Variants in SYT7 observed in about 807,000 individuals in gnomAD.
SYT7 encodes the protein synaptotagmin 7.
SYT7 carries 29 observed loss-of-function variants against 75.1 expected under a neutral mutation model. That is an observed-to-expected ratio of 0.39 (90% CI 0.29 to 0.53). The LOEUF (loss-of-function observed/expected upper bound fraction) is 0.53, where lower values mean the gene tolerates loss of function less well. Among genes scored for constraint, SYT7 ranks in the 20% least tolerant of loss-of-function variants. The pLI, the probability that SYT7 is intolerant of heterozygous loss-of-function variation, is 0.77. For missense variants in SYT7, 693 were observed against 953.2 expected (o/e 0.73, Z 3.59); for synonymous variants, 376 against 401.7 (o/e 0.94, Z 0.76).
At chr11:61,574,921 T>A (rs2064028434) in intron 1 of SYT7, among the ~76,000 whole-genome samples, 1 of 151,978 alleles carries the variant, frequency 6.6e-6, no homozygotes, top group African/African-American at 2.4e-5. Context: ...CTGCATGCTC[T>A]CTCCTCCACT....
intron 6 of SYT7, chr11:61,541,010 C>G: frequency 2.0e-6 from 2 of 985,562 alleles, no homozygotes; most frequent in Non-Finnish European, 2.4e-6. Context: ...GCATGTCTTG[C>G]TGGCCATGGG....
rs1181443868 is a variant in SYT7 at position 61,547,279 on chromosome 11, T to C, written c.245A>G (p.Asn82Ser). The change falls in exon 4 of 13, where the codon AAT becomes AGT. Residue 82 changes from asparagine (N) to serine (S), a missense_variant. Transcript: ENST00000539008. ...NDLDRDFWNNNESTVQQKWSS... is the reference protein window; with the variant it reads ...NDLDRDFWNNSESTVQQKWSS... The stretch of plus-strand genomic sequence containing the variant: ...CCATTTCTGCTGCACTGTGCTCTCA[T>C]TGTTATTCCAAAAGTCTCTGTCTAG... 10 of 1,535,702 alleles carry C rather than the reference T, an allele frequency of 6.5e-6. No individual in the cohort carries two copies. Among genetic ancestry groups the C allele is most frequent in the Admixed American group, 2.0e-5 (1 of 50,968 alleles).
At chr11:61,541,801 G>A in intron 6 of SYT7, among the ~76,000 whole-genome samples, 1 of 152,110 alleles carries the variant, frequency 6.6e-6, no homozygotes, top group Non-Finnish European at 1.5e-5. Context: ...GAGGAGGCAG[G>A]GCTGGAGATG....
Position 61,551,615 on chromosome 11 carries a change from G to T in SYT7, c.136-152C>A. ...TGTGCGAGGCTGTCACCGCGGTGGG[G>T]GCCAATCCCCTGGATGCCTGCTCCC... On this transcript the variant is annotated intron_variant, in intron 2 of 12. Coordinates refer to ENST00000539008, the MANE Select transcript of SYT7 (RefSeq NM_001365809.2). This position sits in a 1 kb window ranked among gnomAD's most constrained non-coding sequence, Gnocchi z 5.3. 1 of 755,786 alleles carries T rather than the reference G, an allele frequency of 1.3e-6. No individual in the cohort carries two copies. Among genetic ancestry groups the T allele is most frequent in the Non-Finnish European group, 2.1e-6 (1 of 465,216 alleles). 46.8% of individuals were successfully genotyped at this position (755,786 alleles called of 1,614,324 possible). A position where few individuals can be genotyped will look rare whatever the true frequency, so the allele number is the denominator to read the frequency against.
Position 61,518,097 on chromosome 11 carries a change from C to T in SYT7, c.*530G>A, listed in dbSNP as rs2062194202. 1 of 157,368 alleles carries T rather than the reference C, an allele frequency of 6.4e-6. No homozygotes were observed. Among genetic ancestry groups the T allele is most frequent in the Admixed American group, 6.5e-5 (1 of 15,424 alleles). 9.7% of individuals were successfully genotyped at this position (157,368 alleles called of 1,614,324 possible). On this transcript the variant is annotated 3_prime_UTR_variant, in exon 13 of 13. Coordinates refer to ENST00000539008, the MANE Select transcript of SYT7 (RefSeq NM_001365809.2). Reference sequence around the variant, plus strand: ...AACACGAGTACAAAGGGCCACAGCTCCAGGACCCAGGAGCGGGCTATATAC... The same window carrying T: ...AACACGAGTACAAAGGGCCACAGCTTCAGGACCCAGGAGCGGGCTATATAC...
At chr11:61,572,862 A>C (rs1391183768) in intron 1 of SYT7, among the ~76,000 whole-genome samples, 1 of 152,200 alleles carries the variant, frequency 6.6e-6, no homozygotes. Flanking sequence ...GGTAGTCAAC[A>C]CAGATGGTCC....
intron 1 of SYT7, among the ~76,000 whole-genome samples, chr11:61,573,735 C>T (rs917630893): frequency 4.6e-5 from 7 of 152,318 alleles, no homozygotes; most frequent in Middle Eastern, 3.4e-3. Flanking sequence ...CTGCCTCAAC[C>T]GGCCAAGATC....
At chr11:61,556,302 T>A in intron 1 of SYT7, 95 bp from the exon 2 acceptor site, 1 of 962,780 alleles carries the variant, frequency 1.0e-6, no homozygotes, top group South Asian at 1.6e-5. Flanking sequence ...CTACCCTCCA[T>A]CTGGCCCCTT....
chr11:61,554,902 G>A (rs2063452717), intron 2 of SYT7, among the ~76,000 whole-genome samples: 2 of 152,336 alleles, frequency 1.3e-5, no homozygotes, highest in South Asian at 4.1e-4. Flanking sequence ...AGGGGTCGGA[G>A]CTGCCTGAAG....
At chr11:61,525,518 T>C (rs2135081747) in intron 9 of SYT7, among the ~76,000 whole-genome samples, 1 of 152,296 alleles carries the variant, frequency 6.6e-6, no homozygotes, top group Admixed American at 6.5e-5. Context: ...ACTCTCATCC[T>C]TCAGGTCTCA....
rs1244433829 is a variant in SYT7, at chr11:61,546,478, G to A, written c.348-223C>T. 8.9e-6 allele frequency: 5 copies of A among 561,944 alleles called. No individual in the cohort carries two copies. In the East Asian group the frequency reaches 9.8e-5, roughly 11 times the overall value. The allele number at this position is 561,944 out of a possible 1,614,324, so 34.8% of individuals were successfully genotyped here. A position where few individuals can be genotyped will look rare whatever the true frequency, so the allele number is the denominator to read the frequency against. ...TCAGCACTGCAAATGGGTTAACAGCGGAGCCTGCAGAGGAGAGAGGGGGAC... is the reference window on the plus strand; with the variant it reads ...TCAGCACTGCAAATGGGTTAACAGCAGAGCCTGCAGAGGAGAGAGGGGGAC... On this transcript the variant is annotated intron_variant, in intron 4 of 12. Coordinates refer to ENST00000539008, the MANE Select transcript of SYT7 (RefSeq NM_001365809.2). The surrounding 1 kb of genome is among the most constrained non-coding windows in gnomAD (Gnocchi z 7.6).
rs959026926 is a variant in SYT7 at position 61,580,916 on chromosome 11, C to G, written c.-96G>C. On this transcript the variant is annotated 5_prime_UTR_variant, in exon 1 of 13. Transcript: ENST00000539008. The surrounding 1 kb of genome is among the most constrained non-coding windows in gnomAD (Gnocchi z 6.1). Reference sequence around the variant, plus strand: ...CGCTGGGCATGGGGCCGGGCGACCCCCGGGGGCGGGTCCGAGGGCGGGGGC... The same window carrying G: ...CGCTGGGCATGGGGCCGGGCGACCCGCGGGGGCGGGTCCGAGGGCGGGGGC... 3 of 1,066,956 alleles carry G rather than the reference C, an allele frequency of 2.8e-6. No individual in the cohort carries two copies. Among genetic ancestry groups the G allele is most frequent in the Non-Finnish European group, 3.4e-6 (3 of 883,660 alleles). 66.1% of individuals were successfully genotyped at this position (1,066,956 alleles called of 1,614,324 possible).
intron 3 of SYT7, among the ~76,000 whole-genome samples, chr11:61,548,531 C>T (rs1007179392): frequency 5.3e-5 from 8 of 152,182 alleles, no homozygotes; most frequent in Non-Finnish European, 8.8e-5. Context: ...TTCTGGAAGG[C>T]AGCCATGTTT....
chr11:61,537,986 C>G (rs1239151244), intron 7 of SYT7, among the ~76,000 whole-genome samples, 158 bp downstream of exon 7: 1 of 152,208 alleles, frequency 6.6e-6, no homozygotes, highest in Non-Finnish European at 1.5e-5. Flanking sequence ...GGTGGCAGTG[C>G]GTGAGGGCAC....
chr11:61,541,082 A>G lies in SYT7; in HGVS notation c.941+1129T>C, dbSNP rs1381549951. 8.1e-6 allele frequency: 8 copies of G among 985,496 alleles called. No individual in the cohort carries two copies. In the East Asian group the frequency reaches 9.1e-4, roughly 112 times the overall value. 61.0% of individuals were successfully genotyped at this position (985,496 alleles called of 1,614,324 possible). On this transcript the variant is annotated intron_variant, in intron 6 of 12. Transcript: ENST00000539008. ...CCTCTTCGGGTGGGGTGTCTCTCCC[A>G]GGGCAGTGCTCCCATCTGCCCGGGA...
Position 61,542,250 on chromosome 11 carries a change from C to T in SYT7, c.902G>A (p.Gly301Glu). 6.5e-7 allele frequency: 1 copy of T among 1,535,186 alleles called. No individual in the cohort carries two copies. Among genetic ancestry groups the T allele is most frequent in the Non-Finnish European group, 8.7e-7 (1 of 1,146,470 alleles). The change falls in exon 6 of 13, where the codon GGG becomes GAG. Residue 301 changes from glycine to glutamate, a missense_variant. Gly to Glu is a moderately conservative substitution (Grantham distance 98). Coordinates refer to ENST00000539008, the MANE Select transcript of SYT7 (RefSeq NM_001365809.2). This position sits in a 1 kb window ranked among gnomAD's most constrained non-coding sequence, Gnocchi z 7.8. Reference sequence around the variant, plus strand: ...GTCCAAGCCTCGGTTTCGAATCTGCCCCACCACGTGGTCCCAGCTGCCTGG... The same window carrying T: ...GTCCAAGCCTCGGTTTCGAATCTGCTCCACCACGTGGTCCCAGCTGCCTGG... ...SNPGSWDHVV[G>E]QIRNRGLDMK...
At chr11:61,534,207 A>C (rs1347618617) in intron 7 of SYT7, among the ~76,000 whole-genome samples, 1 of 152,230 alleles carries the variant, frequency 6.6e-6, no homozygotes, top group Non-Finnish European at 1.5e-5. Context: ...GCACACAGCC[A>C]CAAACTGGGA....
At chr11:61,563,109 C>T (rs2063682386) in intron 1 of SYT7, among the ~76,000 whole-genome samples, 1 of 152,200 alleles carries the variant, frequency 6.6e-6, no homozygotes, top group South Asian at 2.1e-4. Context: ...AGCAGATGCC[C>T]AGCCAGCTCC....
chr11:61,530,260 C>T (rs564938248), intron 8 of SYT7, among the ~76,000 whole-genome samples: 5 of 152,288 alleles, frequency 3.3e-5, no homozygotes, highest in South Asian at 2.1e-4. Flanking sequence ...GGCTTTACCC[C>T]GGTCCTGCCT....
Sources: gnomAD v4.1 joint callset for allele counts (sites outside exome capture counted in the v4.1 genomes callset) on GRCh38, gnomAD v4.1.1 for gene constraint, Gnocchi (gnomAD v3.1) non-coding constraint, MANE v1.5 for transcripts, NCBI Gene and HGNC (gene_info 2026-07-23, HGNC 2026-07-21) for gene names.